Variants in DHRS3 observed in about 807,000 individuals in gnomAD.
DHRS3 encodes the protein short-chain dehydrogenase/reductase 3.
DHRS3 carries 14 observed loss-of-function variants against 27.2 expected under a neutral mutation model. The observed-to-expected ratio is 0.52, with a 90% CI of 0.34 to 0.81. The LOEUF (loss-of-function observed/expected upper bound fraction) is 0.81. DHRS3 is among the 30% of genes least tolerant of loss of function. The probability of loss-of-function intolerance (pLI) is 0.01; values close to 1 mark genes in which losing one functional copy is unlikely to be tolerated. For synonymous variants in DHRS3, 165 were observed against 175.9 expected (o/e 0.94, Z 0.49); for missense variants, 322 against 406.2 (o/e 0.79, Z 1.78).
intron 1 of DHRS3, among the ~76,000 whole-genome samples, chr1:12,613,467 C>A (rs1376757233): frequency 2.6e-5 from 4 of 152,170 alleles, no homozygotes; most frequent in Non-Finnish European, 5.9e-5. Context: ...CGAACAGATA[C>A]CCCAGGTAGG....
intron 5 of DHRS3, among the ~76,000 whole-genome samples, chr1:12,569,065 A>C (rs1169093663): frequency 7.9e-5 from 12 of 152,056 alleles, no homozygotes; most frequent in Admixed American, 7.9e-4. Flanking sequence ...TAAAAATACA[A>C]AAATTAGCTG....
intron 1 of DHRS3, among the ~76,000 whole-genome samples, chr1:12,590,680 C>T (rs1646738530): frequency 6.6e-6 from 1 of 152,204 alleles, no homozygotes; most frequent in African/African-American, 2.4e-5. Flanking sequence ...TCTGAATCCG[C>T]AGCCTCTTCC....
intron 1 of DHRS3, among the ~76,000 whole-genome samples, chr1:12,614,958 G>A (rs1646934820): frequency 6.6e-6 from 1 of 152,098 alleles, no homozygotes; most frequent in Non-Finnish European, 1.5e-5. Context: ...CCACCCCCAA[G>A]CCCACTGTTC....
chr1:12,569,229 T>TCACACACACACA (rs1557509306), intron 5 of DHRS3, among the ~76,000 whole-genome samples: 56 of 140,264 alleles, frequency 4.0e-4, no homozygotes, highest in African/African-American at 1.4e-3. Context: ...TCTCTCTCTC[T>TCACACACACACA]CTCACACACA....
chr1:12,580,760 T>A, intron 1 of DHRS3, 94 bp from the exon 2 acceptor site: 3 of 1,429,260 alleles, frequency 2.1e-6, no homozygotes, highest in Non-Finnish European at 2.9e-6. Context: ...AAGTCATTTG[T>A]CTTGAAATGA....
chr1:12,572,678 T>A, intron 5 of DHRS3, 50 bp downstream of exon 5: 1 of 1,552,356 alleles, frequency 6.4e-7, no homozygotes, highest in Non-Finnish European at 8.7e-7. Flanking sequence ...GACTAATAGA[T>A]CACATGCGTA....
chr1:12,582,810 A>G (rs909324440), intron 1 of DHRS3, among the ~76,000 whole-genome samples: 1 of 150,568 alleles, frequency 6.6e-6, no homozygotes. Flanking sequence ...ACCACACTTC[A>G]TCCATCCATC....
intron 1 of DHRS3, among the ~76,000 whole-genome samples, chr1:12,610,542 A>C (rs1357773383): frequency 6.6e-6 from 1 of 152,184 alleles, no homozygotes; most frequent in Non-Finnish European, 1.5e-5. Context: ...TGAATGTATG[A>C]ATAAGTGAAT....
chr1:12,606,763 G>A (rs1474267699), intron 1 of DHRS3, among the ~76,000 whole-genome samples: 1 of 152,068 alleles, frequency 6.6e-6, no homozygotes, highest in Non-Finnish European at 1.5e-5. Context: ...CCAAAGTGCT[G>A]GGATTACAGG....
rs551786973 is a variant in DHRS3 at position 12,601,925 on chromosome 1, T to C, written c.195+15229A>G. Among the ~76,000 whole-genome samples, 4 of 152,354 alleles carry C rather than the reference T, an allele frequency of 2.6e-5. No individual in the cohort carries two copies. The South Asian group carries it at 8.3e-4, about 32-fold the overall frequency. On this transcript the variant is annotated intron_variant, in intron 1 of 5. Transcript: ENST00000616661. ...CACACAGTAGGTGCTCAGTAATCAC[T>C]GGCTCTAACTAGCTACAATGGGTCG...
At chr1:12,571,865 T>C (rs1646541301) in intron 5 of DHRS3, among the ~76,000 whole-genome samples, 1 of 152,092 alleles carries the variant, frequency 6.6e-6, no homozygotes, top group African/African-American at 2.4e-5. Flanking sequence ...TAAGATGTTA[T>C]TTGTCTTTTC....
intron 1 of DHRS3, among the ~76,000 whole-genome samples, chr1:12,606,136 C>CAAA (rs35154933): frequency 0.13 from 13,676 of 106,420 alleles, 887 homozygotes; most frequent in East Asian, 0.23. Context: ...GACTCTGTCT[C>CAAA]AAAAAAAAAA....
chr1:12,570,173 T>C (rs1036365326), intron 5 of DHRS3: 1 of 152,178 alleles, frequency 6.6e-6, no homozygotes, highest in Admixed American at 6.5e-5. Flanking sequence ...GGTGTGGATC[T>C]GAGGAATCAG....
intron 1 of DHRS3, among the ~76,000 whole-genome samples, chr1:12,582,799 C>G (rs1245941632): frequency 6.6e-6 from 1 of 151,864 alleles, no homozygotes; most frequent in African/African-American, 2.4e-5. Flanking sequence ...TCCATCTATC[C>G]ACCACACTTC....
intron 5 of DHRS3, among the ~76,000 whole-genome samples, chr1:12,571,852 T>C (rs912448155): frequency 6.6e-6 from 1 of 152,128 alleles, no homozygotes; most frequent in Non-Finnish European, 1.5e-5. Context: ...TCTGTAATAA[T>C]ACTAAGATGT....
rs189223123 is a variant in DHRS3 at position 12,579,540 on chromosome 1, A to G, written c.340-128T>C. The G allele has an allele frequency of 1.1e-3, 1,452 of 1,376,436 alleles. 11 individuals are homozygous for G. The African/African-American group carries it at 0.018, about 17-fold the overall frequency. 85.3% of individuals were successfully genotyped at this position (1,376,436 alleles called of 1,614,324 possible). On this transcript the variant is annotated intron_variant, in intron 2 of 5. Transcript: ENST00000616661. ...GTCCAGGCTGGAGTGCAGTGGCACC[A>G]TCTCGGCTCACTGCCACCTCCGCCT...
chr1:12,606,311 CAAA>C (rs56928608), intron 1 of DHRS3, among the ~76,000 whole-genome samples: 1 of 98,242 alleles, frequency 1.0e-5, no homozygotes, highest in African/African-American at 4.2e-5. Context: ...CAATTAACAG[CAAA>C]AAAAAAAAAA....
At chr1:12,600,322 G>A in intron 1 of DHRS3, 1 of 984,742 alleles carries the variant, frequency 1.0e-6, no homozygotes, top group Non-Finnish European at 1.2e-6. Context: ...GAGGAGGTGT[G>A]AGCCCTCGGA....
intron 1 of DHRS3, among the ~76,000 whole-genome samples, chr1:12,600,201 G>C (rs1351522991): frequency 6.7e-6 from 1 of 148,874 alleles, no homozygotes; most frequent in African/African-American, 2.5e-5. Context: ...CCGCACATCT[G>C]TGTGTGTGTG....
Sources: allele counts gnomAD v4.1 joint callset (sites outside exome capture counted in the v4.1 genomes callset), GRCh38; gene constraint gnomAD v4.1.1; transcripts MANE v1.5; gene names NCBI Gene and HGNC (gene_info 2026-07-23, HGNC 2026-07-21).